The following KIF2A variants were observed in gnomAD, a reference collection of about 807,000 sequenced individuals.
KIF2A encodes kinesin family member 2A, also known as kinesin-like protein KIF2A.
KIF2A carries 22 observed loss-of-function variants against 100.2 expected under a neutral mutation model. That is an observed-to-expected ratio of 0.22 (90% CI 0.16 to 0.31). The LOEUF is 0.31. KIF2A is among the 10% of genes least tolerant of loss of function. The probability of loss-of-function intolerance (pLI) is 1.00; values close to 1 mark genes in which losing one functional copy is unlikely to be tolerated. For synonymous variants in KIF2A, 268 were observed against 285.9 expected (o/e 0.94, Z 0.63); for missense variants, 495 against 898.7 (o/e 0.55, Z 5.74).
At chr5:62,358,377 T>C (rs528792487) in intron 9 of KIF2A, 78 bp downstream of exon 9, 17 of 943,280 alleles carry the variant, frequency 1.8e-5, no homozygotes, top group Middle Eastern at 2.3e-4. Context: ...ACATTGATTG[T>C]GGGATATTTC....
At chr5:62,330,760 A>C (rs987682871) in intron 1 of KIF2A, among the ~76,000 whole-genome samples, 1 of 152,214 alleles carries the variant, frequency 6.6e-6, no homozygotes, top group Admixed American at 6.5e-5. Flanking sequence ...TTCTGATTGA[A>C]AATGGAAGGG....
At chr5:62,337,630 A>G (rs1003526467) in intron 1 of KIF2A, among the ~76,000 whole-genome samples, 4 of 152,056 alleles carry the variant, frequency 2.6e-5, no homozygotes, top group African/African-American at 9.7e-5. Flanking sequence ...ACCAGAAGTT[A>G]AAGACCAGCG....
chr5:62,376,622 T>C (rs1217841960), intron 18 of KIF2A, among the ~76,000 whole-genome samples: 2 of 152,008 alleles, frequency 1.3e-5, no homozygotes, highest in Non-Finnish European at 2.9e-5. Context: ...GGTTTCACCA[T>C]GATGGCCAAG....
intron 2 of KIF2A, among the ~76,000 whole-genome samples, chr5:62,347,709 T>C (rs1747644939): frequency 6.6e-6 from 1 of 152,252 alleles, no homozygotes; most frequent in Admixed American, 6.5e-5. Flanking sequence ...TACTGCAGCC[T>C]TGACCTCCTG....
At chr5:62,347,732 C>T (rs1747646496) in intron 2 of KIF2A, among the ~76,000 whole-genome samples, 1 of 151,698 alleles carries the variant, frequency 6.6e-6, no homozygotes, top group Non-Finnish European at 1.5e-5. Context: ...CTCAAGTGAC[C>T]CTCCCACCTG....
chr5:62,385,197 G>A (rs1308155392), intron 20 of KIF2A, among the ~76,000 whole-genome samples: 2 of 151,648 alleles, frequency 1.3e-5, no homozygotes, highest in Admixed American at 6.6e-5. Flanking sequence ...CTATACTCTA[G>A]GAGGAATTCC....
intron 1 of KIF2A, among the ~76,000 whole-genome samples, chr5:62,323,547 T>C (rs1746215896): frequency 6.7e-6 from 1 of 150,150 alleles, no homozygotes; most frequent in African/African-American, 2.4e-5. Context: ...AAAAGAAGAA[T>C]GTTAAAAACA....
intron 18 of KIF2A, among the ~76,000 whole-genome samples, chr5:62,375,647 A>G (rs1055144129): frequency 6.6e-6 from 1 of 152,216 alleles, no homozygotes; most frequent in African/African-American, 2.4e-5. Context: ...TTCTAGAGTA[A>G]CAGATACACT....
Position 62,313,497 on chromosome 5 carries a change from C to T in KIF2A, c.64+6961C>T, listed in dbSNP as rs141208059. 5.3e-3 allele frequency among the ~76,000 whole-genome samples: 799 copies of T among 152,178 alleles called. 9 individuals are homozygous for T. The highest frequency in any genetic ancestry group is 0.018 in the African/African-American group (752 of 41,524). ...CCTCCTAAGTAGCTGGGATTATAGG[C>T]ATGCGCCAACATGCCCGGCTAATTT... On this transcript the variant is annotated intron_variant, in intron 1 of 20. Transcript: ENST00000407818.
chr5:62,343,637 A>G (rs1156886414), intron 1 of KIF2A, among the ~76,000 whole-genome samples: 1 of 152,190 alleles, frequency 6.6e-6, no homozygotes, highest in Non-Finnish European at 1.5e-5. Flanking sequence ...TACCAGGAAC[A>G]TTTTGGCTGC....
chr5:62,339,731 A>AC (rs1271651529), intron 1 of KIF2A, among the ~76,000 whole-genome samples: 25 of 151,198 alleles, frequency 1.7e-4, no homozygotes, highest in African/African-American at 4.4e-4. Context: ...TTTTATATAT[A>AC]CAACATAAAT....
At chr5:62,382,761 G>A (rs1280566114) in intron 20 of KIF2A, among the ~76,000 whole-genome samples, 1 of 151,380 alleles carries the variant, frequency 6.6e-6, no homozygotes, top group African/African-American at 2.4e-5. Flanking sequence ...AGCCTCCCGA[G>A]TAGTTGGGAT....
chr5:62,336,167 A>G (rs532649500), intron 1 of KIF2A, among the ~76,000 whole-genome samples: 2 of 152,348 alleles, frequency 1.3e-5, no homozygotes, highest in Admixed American at 1.3e-4. Flanking sequence ...GAGATGGATG[A>G]GGCTGAAGCA....
At chr5:62,359,874 C>T (rs1748303643) in intron 9 of KIF2A, among the ~76,000 whole-genome samples, 1 of 152,082 alleles carries the variant, frequency 6.6e-6, no homozygotes, top group Non-Finnish European at 1.5e-5. Context: ...TTCTGTTTGA[C>T]CAGAACTTTT....
intron 18 of KIF2A, among the ~76,000 whole-genome samples, chr5:62,374,580 T>G (rs1741461021): frequency 6.6e-6 from 1 of 152,162 alleles, no homozygotes. Flanking sequence ...TATTAAAATT[T>G]GGGAAAAATT....
rs751795324 is a variant in KIF2A, at chr5:62,361,535, T to G, written c.1027+6T>G. The G allele has an allele frequency of 1.3e-6, 2 of 1,521,776 alleles. No homozygotes were observed. The highest frequency in any genetic ancestry group is 2.3e-5 in the South Asian group (2 of 87,050). 94.3% of individuals were successfully genotyped at this position (1,521,776 alleles called of 1,614,324 possible). A position where few individuals can be genotyped will look rare whatever the true frequency, so the allele number is the denominator to read the frequency against. ...AGGAATTTATGCATTAGCAGGTAACTGTCCTTTTTCCATAAAATTTGGAAT... is the reference window on the plus strand; with the variant it reads ...AGGAATTTATGCATTAGCAGGTAACGGTCCTTTTTCCATAAAATTTGGAAT... On this transcript the variant is annotated splice_donor_region_variant and intron_variant, in intron 11 of 20. Coordinates refer to ENST00000407818, the MANE Select transcript of KIF2A (RefSeq NM_001098511.3).
At chr5:62,343,240 C>A (rs1404542249) in intron 1 of KIF2A, among the ~76,000 whole-genome samples, 1 of 152,160 alleles carries the variant, frequency 6.6e-6, no homozygotes, top group African/African-American at 2.4e-5. Flanking sequence ...CCTTTTTTAA[C>A]TCCCTTTTGA....
At chr5:62,349,283 T>C (rs112586557) in intron 3 of KIF2A, among the ~76,000 whole-genome samples, 7,410 of 151,252 alleles carry the variant, frequency 0.049, 576 homozygotes, top group African/African-American at 0.17. Flanking sequence ...ATTTTAATTA[T>C]AAATAAGTAT....
At chr5:62,352,163 A>AAAG (rs993079690) in intron 4 of KIF2A, among the ~76,000 whole-genome samples, 2 of 151,850 alleles carry the variant, frequency 1.3e-5, no homozygotes, top group African/African-American at 4.8e-5. Flanking sequence ...AAAAAAAAAA[A>AAAG]AAAAAATTAT....
Sources: allele counts gnomAD v4.1 joint callset (sites outside exome capture counted in the v4.1 genomes callset), GRCh38; gene constraint gnomAD v4.1.1; transcripts MANE v1.5; gene names NCBI Gene and HGNC (gene_info 2026-07-23, HGNC 2026-07-21).